Variants in STUM observed in about 807,000 individuals in gnomAD.
STUM encodes the protein protein stum homolog.
In STUM, 8 loss-of-function variants were observed where a neutral mutation model predicts 15.3. The ratio of observed to expected loss-of-function variants is 0.52; its 90% CI spans 0.31 to 0.94. The LOEUF (loss-of-function observed/expected upper bound fraction) is 0.94. STUM is among the 40% of genes least tolerant of loss of function. The probability of loss-of-function intolerance (pLI) is 0.05; values close to 1 mark genes in which losing one functional copy is unlikely to be tolerated. For synonymous variants in STUM, 78 were observed against 88.7 expected (o/e 0.88, Z 0.68); for missense variants, 142 against 204.9 (o/e 0.69, Z 1.87).
At position 226,567,796 on chromosome 1, in the gene STUM, T is replaced by C. The variant is rs1419216330; in HGVS notation, c.202+18690T>C. The stretch of plus-strand genomic sequence containing the variant: ...CATTTGGCACCAGATGCTGCCTAAT[T>C]GAACACCTGAACACAGCTGAGGGGC... On this transcript the variant is annotated intron_variant, in intron 1 of 3. Transcript: ENST00000366788. The surrounding 1 kb of genome is among the most constrained non-coding windows in gnomAD (Gnocchi z 4.5). Among the ~76,000 whole-genome samples the C allele has an allele frequency of 6.6e-6, 1 of 152,226 alleles. No homozygotes were observed.
chr1:226,561,588 A>G (rs1404213906), intron 1 of STUM, among the ~76,000 whole-genome samples: 1 of 152,146 alleles, frequency 6.6e-6, no homozygotes, highest in Admixed American at 6.5e-5. Context: ...GATGTTACTG[A>G]GAAGAGCGGG....
Position 226,602,351 on chromosome 1 carries a change from A to G in STUM, c.*311A>G. ...GGCAGGCTCCAACTGGCCTTGCTGT[A>G]CCCACTGCCCACCGCAAAGGCACGC... On this transcript the variant is annotated 3_prime_UTR_variant, in exon 4 of 4. Transcript: ENST00000366788. The G allele has an allele frequency of 2.5e-6, 1 of 398,310 alleles. No homozygotes were observed. Among genetic ancestry groups the G allele is most frequent in the South Asian group, 3.3e-5 (1 of 30,758 alleles). 24.7% of individuals were successfully genotyped at this position (398,310 alleles called of 1,614,324 possible). A position where few individuals can be genotyped will look rare whatever the true frequency, so the allele number is the denominator to read the frequency against.
chr1:226,557,922 A>G (rs776125799), intron 1 of STUM, among the ~76,000 whole-genome samples: 14 of 152,258 alleles, frequency 9.2e-5, no homozygotes, highest in Non-Finnish European at 1.9e-4. Flanking sequence ...AAAGCATTTG[A>G]CAAAATTCAA....
chr1:226,597,497 A>C, intron 2 of STUM: 1 of 471,958 alleles, frequency 2.1e-6, no homozygotes, highest in East Asian at 6.9e-5. Context: ...CATGCCCCTC[A>C]TTGTGTCCTA....
rs1392708237 is a variant in STUM at position 226,549,932 on chromosome 1, G to T, written c.202+826G>T. 1.3e-5 allele frequency among the ~76,000 whole-genome samples: 2 copies of T among 152,134 alleles called. No homozygotes were observed. The highest frequency in any genetic ancestry group is 4.8e-5 in the African/African-American group (2 of 41,424). On this transcript the variant is annotated intron_variant, in intron 1 of 3. Transcript: ENST00000366788. The surrounding 1 kb of genome is among the most constrained non-coding windows in gnomAD (Gnocchi z 6.8). Reference sequence around the variant, plus strand: ...GTGCAGGAGGGTGAATGGAGGCAGGGAATGAGAAGTTTTCCTGACCCTCCC... The same window carrying T: ...GTGCAGGAGGGTGAATGGAGGCAGGTAATGAGAAGTTTTCCTGACCCTCCC...
chr1:226,582,770 C>A (rs1034823100), intron 1 of STUM, among the ~76,000 whole-genome samples: 3 of 152,180 alleles, frequency 2.0e-5, no homozygotes, highest in African/African-American at 7.2e-5. Flanking sequence ...TACCTGCTTT[C>A]CCTCTTGTTC....
At chr1:226,595,245 G>GA (rs1668159951) in intron 1 of STUM, among the ~76,000 whole-genome samples, 2 of 152,204 alleles carry the variant, frequency 1.3e-5, no homozygotes, top group Admixed American at 6.5e-5. Context: ...TCTCACCCTG[G>GA]AAGGAGGAAA....
At chr1:226,586,821 C>G (rs990152402) in intron 1 of STUM, among the ~76,000 whole-genome samples, 2 of 152,254 alleles carry the variant, frequency 1.3e-5, no homozygotes, top group South Asian at 4.2e-4. Flanking sequence ...GACTGGCCAC[C>G]CTTAACACCG....
chr1:226,548,934 G>T lies in STUM; in HGVS notation c.30G>T (p.Thr10=). MEPSHKDAE[T]AAAAAAVAAA... is the part of the protein sequence containing the mutation. Reference sequence around the variant, plus strand: ...AGCCCTCGCACAAAGACGCCGAGACGGCGGCGGCGGCGGCGGCGGTGGCGG... The same window carrying T: ...AGCCCTCGCACAAAGACGCCGAGACTGCGGCGGCGGCGGCGGCGGTGGCGG... The change falls in exon 1 of 4, where the codon ACG becomes ACT. Residue 10 remains threonine, a synonymous_variant. Coordinates refer to ENST00000366788, the MANE Select transcript of STUM (RefSeq NM_001003665.4). 3 of 1,396,608 alleles carry T rather than the reference G, an allele frequency of 2.1e-6. No homozygotes were observed. Among genetic ancestry groups the T allele is most frequent in the African/African-American group, 1.5e-5 (1 of 65,786 alleles). 86.5% of individuals were successfully genotyped at this position (1,396,608 alleles called of 1,614,324 possible).
At chr1:226,594,202 CTGTAGG>C (rs1668135034) in intron 1 of STUM, among the ~76,000 whole-genome samples, 1 of 152,042 alleles carries the variant, frequency 6.6e-6, no homozygotes, top group Admixed American at 6.6e-5. Flanking sequence ...CACCTGGAAA[CTGTAGG>C]AGCCAGCGAG....
rs570045154 is a variant in STUM at position 226,563,701 on chromosome 1, G to A, written c.202+14595G>A. ...TTATTCCTCTTTTTGACTTAGCATG[G>A]AGTCCAGAAGTTGTCCATGGACCTC... On this transcript the variant is annotated intron_variant, in intron 1 of 3. Transcript: ENST00000366788. 2.6e-5 allele frequency among the ~76,000 whole-genome samples: 4 copies of A among 152,330 alleles called. No homozygotes were observed. The East Asian group carries it at 7.7e-4, about 29-fold the overall frequency.
intron 1 of STUM, among the ~76,000 whole-genome samples, chr1:226,566,996 C>T (rs966435909): frequency 1.3e-5 from 2 of 152,120 alleles, no homozygotes; most frequent in Non-Finnish European, 2.9e-5. Context: ...TGCTGCTTCC[C>T]GCAAATGCTG....
intron 2 of STUM, among the ~76,000 whole-genome samples, chr1:226,599,668 T>G (rs912985437): frequency 6.6e-6 from 1 of 152,094 alleles, no homozygotes; most frequent in African/African-American, 2.4e-5. Context: ...AAAGTGGGAG[T>G]TAACATCAGG....
chr1:226,590,252 C>G (rs1202089101), intron 1 of STUM, among the ~76,000 whole-genome samples: 1 of 152,136 alleles, frequency 6.6e-6, no homozygotes, highest in African/African-American at 2.4e-5. Context: ...TCACCCACAC[C>G]CTGGAATCCA....
In STUM at chr1:226,548,790, G is replaced by A. The variant is rs1318995150; in HGVS notation, c.-115G>A. 4.7e-5 allele frequency: 41 copies of A among 867,756 alleles called. No individual in the cohort carries two copies. Among genetic ancestry groups the A allele is most frequent in the Non-Finnish European group, 6.0e-5 (40 of 665,414 alleles). 53.8% of individuals were successfully genotyped at this position (867,756 alleles called of 1,614,324 possible). A position where few individuals can be genotyped will look rare whatever the true frequency, so the allele number is the denominator to read the frequency against. On this transcript the variant is annotated 5_prime_UTR_variant, in exon 1 of 4. Transcript: ENST00000366788. ...CGAGCCGCGCGGCGCACGGAGCACG[G>A]CGGCCGCCTGAGCTCGGCGCGGAGC...
intron 1 of STUM, among the ~76,000 whole-genome samples, chr1:226,553,475 G>GA (rs1441377860): frequency 2.0e-5 from 3 of 151,880 alleles, no homozygotes; most frequent in African/African-American, 7.2e-5. Flanking sequence ...GCTTCAAAAA[G>GA]AAAAAAAGAG....
intron 1 of STUM, among the ~76,000 whole-genome samples, chr1:226,593,019 C>T (rs1308501535): frequency 2.6e-5 from 4 of 152,158 alleles, no homozygotes; most frequent in African/African-American, 9.7e-5. Context: ...AACCCCGTCT[C>T]GACTAAAAAT....
At chr1:226,575,039 G>A (rs748351790) in intron 1 of STUM, among the ~76,000 whole-genome samples, 18 of 152,170 alleles carry the variant, frequency 1.2e-4, no homozygotes, top group Non-Finnish European at 2.5e-4. Context: ...TGCATATGTG[G>A]ACTCACTGGC....
In STUM at chr1:226,549,023, GC is replaced by G. The variant is rs1304430503; in HGVS notation, c.124del (p.Leu42CysfsTer54). ...GVVVQVREKK[G>X]PLRAAIPYMP... is the part of the protein sequence containing the mutation. ...GTGGTGCAGGTCCGCGAGAAGAAGG[GC>G]CCCCTGCGCGCCGCCATCCCCTACA... On this transcript the variant is annotated frameshift_variant, in exon 1 of 4. Coordinates refer to ENST00000366788, the MANE Select transcript of STUM (RefSeq NM_001003665.4). LOFTEE classifies it high-confidence loss of function. This position sits in a 1 kb window ranked among gnomAD's most constrained non-coding sequence, Gnocchi z 6.8. 5 of 1,582,072 alleles carry G rather than the reference GC, an allele frequency of 3.2e-6. No homozygotes were observed. Among genetic ancestry groups the G allele is most frequent in the East Asian group, 4.9e-5 (2 of 40,862 alleles).
Sources: allele counts gnomAD v4.1 joint callset (sites outside exome capture counted in the v4.1 genomes callset), GRCh38; gene constraint gnomAD v4.1.1; non-coding constraint Gnocchi (gnomAD v3.1); transcripts MANE v1.5; gene names NCBI Gene and HGNC (gene_info 2026-07-23, HGNC 2026-07-21).